CIT: variants seen among roughly 807,000 people sequenced by gnomAD.
The protein encoded by CIT is citron rho-interacting serine/threonine kinase.
In CIT, 79 loss-of-function variants were observed where a neutral mutation model predicts 272.7. The observed-to-expected ratio is 0.29, with a 90% CI of 0.24 to 0.35. The LOEUF is 0.35. Ranked by LOEUF, CIT falls within the 10% of genes least tolerant of loss-of-function variation. The pLI, the probability that CIT is intolerant of heterozygous loss-of-function variation, is 1.00. For synonymous variants in CIT, 948 were observed against 995.6 expected (o/e 0.95, Z 0.90); for missense variants, 1,909 against 2,618.3 (o/e 0.73, Z 5.91).
intron 16 of CIT, 126 bp from the exon 17 acceptor site, chr12:119,773,036 G>A (rs1963349429): frequency 6.4e-6 from 5 of 775,962 alleles, no homozygotes; most frequent in African/African-American, 1.8e-5. Flanking sequence ...AAAAAAGATA[G>A]TGACAGTGTC....
intron 5 of CIT, among the ~76,000 whole-genome samples, chr12:119,849,709 A>G (rs1970073644): frequency 7.0e-6 from 1 of 143,790 alleles, no homozygotes; most frequent in Admixed American, 7.1e-5. Flanking sequence ...TTTTTGAGAT[A>G]GAGTCTTGCT....
Position 119,810,106 on chromosome 12 carries a change from C to T in CIT, c.1112-6717G>A, listed in dbSNP as rs566335372. Reference sequence around the variant, plus strand: ...TTAATTGAACTCAAAGAGGGGGCTGCAGGAACCCCAATTTGAAGCCAGTCA... The same window carrying T: ...TTAATTGAACTCAAAGAGGGGGCTGTAGGAACCCCAATTTGAAGCCAGTCA... On this transcript the variant is annotated intron_variant, in intron 9 of 47. Coordinates refer to ENST00000392521, the MANE Select transcript of CIT (RefSeq NM_001206999.2). Among the ~76,000 whole-genome samples, 15 of 152,344 alleles carry T rather than the reference C, an allele frequency of 9.8e-5. No homozygotes were observed. In the South Asian group the frequency reaches 2.9e-3, roughly 29 times the overall value.
At chr12:119,820,159 T>A (rs1221540713) in intron 9 of CIT, among the ~76,000 whole-genome samples, 1 of 151,902 alleles carries the variant, frequency 6.6e-6, no homozygotes, top group Non-Finnish European at 1.5e-5. Context: ...ATTGGTAAAA[T>A]CCAAAAAAAG....
At chr12:119,807,233 G>A (rs1251067708) in intron 9 of CIT, among the ~76,000 whole-genome samples, 1 of 152,180 alleles carries the variant, frequency 6.6e-6, no homozygotes, top group Non-Finnish European at 1.5e-5. Context: ...CGGAAAACAT[G>A]AGAGGTCAAA....
chr12:119,876,213 CTA>C (rs751888736), intron 1 of CIT, 32 bp from the exon 2 acceptor site: 1 of 1,443,334 alleles, frequency 6.9e-7, no homozygotes, highest in Admixed American at 1.7e-5. Flanking sequence ...CAAGTGTGTC[CTA>C]TGTTTTGAGC....
In CIT at chr12:119,846,897, AAAAG is replaced by A. The variant is rs1281074703; in HGVS notation, c.516+3273_516+3276del. 8.6e-4 allele frequency among the ~76,000 whole-genome samples: 131 copies of A among 152,066 alleles called. 1 individual carries two copies. The highest frequency in any genetic ancestry group is 4.8e-3 in the East Asian group (25 of 5,184). The stretch of plus-strand genomic sequence containing the variant: ...CAGAGACATCATCACTTAAAAAAAA[AAAAG>A]AAAGAAAAAAATACGTATCTAAAAC... On this transcript the variant is annotated intron_variant, in intron 5 of 47. Transcript: ENST00000392521.
chr12:119,730,349 C>A (rs1043610880), intron 27 of CIT, 146 bp downstream of exon 27: 17 of 979,206 alleles, frequency 1.7e-5, no homozygotes, highest in Non-Finnish European at 2.1e-5. Context: ...CATGGTAAGG[C>A]AAAACCATGG....
In CIT at chr12:119,857,664, C is replaced by G; in HGVS notation, c.273G>C (p.Gln91His). Residue 91 changes from glutamine (Q) to histidine (H), a missense_variant, in exon 4 of 48, where the codon CAG becomes CAC. By Grantham distance (24) the Gln-to-His change is conservative (BLOSUM62 0). This residue lies in a region of CIT where 529 missense variants were observed against 549.6 expected (regional missense o/e 0.96). Coordinates refer to ENST00000392521, the MANE Select transcript of CIT (RefSeq NM_001206999.2). Reference protein sequence around the residue: ...SDTIAELQELQPSAKDFEVRS... With the variant: ...SDTIAELQELHPSAKDFEVRS... ...TGACTTCGAAGTCCTTTGCCGAAGG[C>G]TGGAGCTCCTGTAACTCAGCTATGG... 1 of 1,614,070 alleles carries G rather than the reference C, an allele frequency of 6.2e-7. No homozygotes were observed. Among genetic ancestry groups the G allele is most frequent in the East Asian group, 2.2e-5 (1 of 44,870 alleles).
intron 13 of CIT, among the ~76,000 whole-genome samples, chr12:119,780,836 C>T (rs1335319621): frequency 2.6e-5 from 4 of 152,156 alleles, no homozygotes; most frequent in Admixed American, 6.5e-5. Flanking sequence ...TCTGAAACCA[C>T]GTTTCTTCCC....
At chr12:119,708,500 T>G (rs891347166) in intron 39 of CIT, among the ~76,000 whole-genome samples, 182 bp from the exon 40 acceptor site, 2 of 152,118 alleles carry the variant, frequency 1.3e-5, no homozygotes, top group East Asian at 3.8e-4. Flanking sequence ...TTTTTTAAAT[T>G]TTTGAGACAG....
At position 119,712,096 on chromosome 12, in the gene CIT, A is replaced by G. The variant is rs77464084; in HGVS notation, c.4854+82T>C. On this transcript the variant is annotated intron_variant, in intron 37 of 47. Coordinates refer to ENST00000392521, the MANE Select transcript of CIT (RefSeq NM_001206999.2). This position sits in a 1 kb window ranked among gnomAD's most constrained non-coding sequence, Gnocchi z 5.2. ...GAGCCTGAGGGGAATCAAAATGGCC[A>G]ATGGGATTCTCGTCGTTAACACCAG... 2.3e-4 allele frequency: 310 copies of G among 1,359,470 alleles called. 3 individuals are homozygous for G. The East Asian group carries it at 7.1e-3, about 31-fold the overall frequency. The allele number at this position is 1,359,470 out of a possible 1,614,324, so 84.2% of individuals were successfully genotyped here. A position where few individuals can be genotyped will look rare whatever the true frequency, so the allele number is the denominator to read the frequency against.
intron 13 of CIT, among the ~76,000 whole-genome samples, chr12:119,781,070 T>A (rs1028252451): frequency 1.3e-5 from 2 of 152,200 alleles, no homozygotes; most frequent in Admixed American, 6.5e-5. Flanking sequence ...AATTTCCAGG[T>A]ATGTTGAACT....
intron 26 of CIT, among the ~76,000 whole-genome samples, chr12:119,732,113 T>G (rs938348682): frequency 6.6e-6 from 1 of 152,032 alleles, no homozygotes; most frequent in African/African-American, 2.4e-5. Flanking sequence ...CCTAAATATC[T>G]GAATCCATAT....
chr12:119,765,211 C>G (rs184419600), intron 19 of CIT, among the ~76,000 whole-genome samples: 1 of 151,702 alleles, frequency 6.6e-6, no homozygotes, highest in East Asian at 1.9e-4. Context: ...TGAATCTACT[C>G]AAAAGCCCGG....
At position 119,728,413 on chromosome 12, in the gene CIT, T is replaced by G. The variant is rs545633631; in HGVS notation, c.3591+89A>C. The G allele has an allele frequency of 2.5e-5, 19 of 766,098 alleles. No homozygotes were observed. The highest frequency in any genetic ancestry group is 3.5e-5 in the Non-Finnish European group (16 of 451,688). The allele number at this position is 766,098 out of a possible 1,614,324, so 47.5% of individuals were successfully genotyped here. Reference sequence around the variant, plus strand: ...CTCTGTGCTTTCTGCTCAATTTTGCTGTGAACCTAAAGCTGCTCCAAAAAA... The same window carrying G: ...CTCTGTGCTTTCTGCTCAATTTTGCGGTGAACCTAAAGCTGCTCCAAAAAA... On this transcript the variant is annotated intron_variant, in intron 28 of 47. Coordinates refer to ENST00000392521, the MANE Select transcript of CIT (RefSeq NM_001206999.2). This position sits in a 1 kb window ranked among gnomAD's most constrained non-coding sequence, Gnocchi z 4.3.
intron 3 of CIT, among the ~76,000 whole-genome samples, chr12:119,865,622 C>G (rs1950491322): frequency 6.6e-6 from 1 of 152,138 alleles, no homozygotes; most frequent in African/African-American, 2.4e-5. Context: ...GTAATTCCAG[C>G]ACTTTCGGAG....
intron 5 of CIT, among the ~76,000 whole-genome samples, chr12:119,846,508 C>T (rs1969813850): frequency 6.6e-6 from 1 of 152,168 alleles, no homozygotes; most frequent in Non-Finnish European, 1.5e-5. Flanking sequence ...AAAATCAAAG[C>T]CCTTCCTAAT....
intron 9 of CIT, among the ~76,000 whole-genome samples, chr12:119,810,353 G>A (rs1966824445): frequency 6.6e-6 from 1 of 152,164 alleles, no homozygotes; most frequent in Non-Finnish European, 1.5e-5. Flanking sequence ...CAGTTATGGT[G>A]TGAGAGTGGA....
chr12:119,797,945 G>C (rs1244732683), intron 10 of CIT, among the ~76,000 whole-genome samples: 2 of 152,210 alleles, frequency 1.3e-5, no homozygotes. Context: ...TTAACCAAAT[G>C]CTTATTAAGC....
Sources: allele counts gnomAD v4.1 joint callset (sites outside exome capture counted in the v4.1 genomes callset), GRCh38; gene constraint gnomAD v4.1.1; regional missense constraint gnomAD v4.1.1; non-coding constraint Gnocchi (gnomAD v3.1); transcripts MANE v1.5; gene names NCBI Gene and HGNC (gene_info 2026-07-23, HGNC 2026-07-21).